The following PALLD variants were observed in gnomAD, a reference collection of about 807,000 sequenced individuals.
The protein encoded by PALLD is palladin, cytoskeletal associated protein.
A neutral mutation model predicts 123.5 loss-of-function variants in PALLD; 61 were observed. That is an observed-to-expected ratio of 0.49 (90% CI 0.40 to 0.61). The LOEUF is 0.61. Ranked by LOEUF, PALLD falls within the 20% of genes least tolerant of loss-of-function variation. The pLI is 0.00. For missense variants in PALLD, 1,273 were observed against 1,377.0 expected (o/e 0.92, Z 1.20); for synonymous variants, 465 against 496.4 (o/e 0.94, Z 0.84).
intron 1 of PALLD, 97 bp from the exon 2 acceptor site, chr4:168,511,326 T>C: frequency 1.7e-6 from 1 of 596,972 alleles, no homozygotes; most frequent in East Asian, 2.8e-5. Flanking sequence ...TTATATTCAT[T>C]CACTTTAATG....
intron 3 of PALLD, among the ~76,000 whole-genome samples, chr4:168,674,942 G>C (rs1780679150): frequency 6.6e-6 from 1 of 152,018 alleles, no homozygotes; most frequent in Non-Finnish European, 1.5e-5. Context: ...GGAGGGAGGA[G>C]AGTAAGATGG....
chr4:168,502,962 G>A (rs1330569095), intron 1 of PALLD, among the ~76,000 whole-genome samples: 1 of 152,160 alleles, frequency 6.6e-6, no homozygotes, highest in Non-Finnish European at 1.5e-5. Context: ...GTCGCAGCAG[G>A]TTCTGGGAGG....
intron 2 of PALLD, among the ~76,000 whole-genome samples, chr4:168,646,736 T>C (rs1777496123): frequency 6.6e-6 from 1 of 152,210 alleles, no homozygotes; most frequent in Admixed American, 6.5e-5. Flanking sequence ...TATTTCTCTT[T>C]GCTACAAAAT....
rs537333045 is a variant in PALLD, at chr4:168,751,116, G to A, written c.1964+39193G>A. 2.6e-5 allele frequency among the ~76,000 whole-genome samples: 4 copies of A among 151,842 alleles called. No individual in the cohort carries two copies. The South Asian group carries it at 6.2e-4, about 24-fold the overall frequency. On this transcript the variant is annotated intron_variant, in intron 10 of 21. Coordinates refer to ENST00000505667, the MANE Select transcript of PALLD (RefSeq NM_001166108.2). Reference sequence around the variant, plus strand: ...TAACCTCCACTTCCCAGGTTCAAGCGATTCTCCTGCCTCAGCCTCCCGAGT... The same window carrying A: ...TAACCTCCACTTCCCAGGTTCAAGCAATTCTCCTGCCTCAGCCTCCCGAGT...
At chr4:168,654,252 G>A (rs1478815034) in intron 2 of PALLD, among the ~76,000 whole-genome samples, 2 of 152,002 alleles carry the variant, frequency 1.3e-5, no homozygotes, top group Non-Finnish European at 2.9e-5. Flanking sequence ...CCATGTAATA[G>A]CTTTAGAGTT....
intron 9 of PALLD, 123 bp from the exon 10 acceptor site, chr4:168,711,458 C>T: frequency 1.3e-6 from 1 of 769,326 alleles, no homozygotes; most frequent in Non-Finnish European, 2.3e-6. Flanking sequence ...GAGAGCAGCA[C>T]AATCACCTCT....
At chr4:168,723,891 CTTTTTT>C (rs59055427) in intron 10 of PALLD, among the ~76,000 whole-genome samples, 1 of 111,772 alleles carries the variant, frequency 8.9e-6, no homozygotes, top group Non-Finnish European at 1.8e-5. Context: ...TTGAGTTGGG[CTTTTTT>C]TTTTTTTTTT....
chr4:168,712,076 A>C, intron 10 of PALLD, 153 bp downstream of exon 10: 1 of 669,064 alleles, frequency 1.5e-6, no homozygotes, highest in East Asian at 2.7e-5. Flanking sequence ...CAACAATATA[A>C]AAGACACCTA....
chr4:168,586,207 C>T (rs1211359440), intron 2 of PALLD, among the ~76,000 whole-genome samples: 1 of 142,354 alleles, frequency 7.0e-6, no homozygotes, highest in East Asian at 2.2e-4. Flanking sequence ...TATCAAGCTA[C>T]TACTTCCGGC....
rs569319510 is a variant in PALLD, at chr4:168,869,600, A to G, written c.1965-21322A>G. 2.0e-5 allele frequency among the ~76,000 whole-genome samples: 3 copies of G among 152,346 alleles called. No homozygotes were observed. The highest frequency in any genetic ancestry group is 7.2e-5 in the African/African-American group (3 of 41,570). On this transcript the variant is annotated intron_variant, in intron 10 of 21. Coordinates refer to ENST00000505667, the MANE Select transcript of PALLD (RefSeq NM_001166108.2). The surrounding 1 kb of genome is among the most constrained non-coding windows in gnomAD (Gnocchi z 4.5). ...GAGTAACAAACTTAGAAGAATGAAAAGGTAGAGATACAGCAGCATTAGTTG... is the reference window on the plus strand; with the variant it reads ...GAGTAACAAACTTAGAAGAATGAAAGGGTAGAGATACAGCAGCATTAGTTG...
intron 13 of PALLD, chr4:168,898,286 T>C (rs1755698827): frequency 5.1e-6 from 3 of 589,356 alleles, no homozygotes; most frequent in Admixed American, 2.9e-5. Flanking sequence ...TTTTGGATGA[T>C]AGGACTTGAA....
At position 168,533,963 on chromosome 4, in the gene PALLD, G is replaced by A. The variant is rs148068124; in HGVS notation, c.908+21551G>A. 4.0e-3 allele frequency among the ~76,000 whole-genome samples: 614 copies of A among 152,254 alleles called. 6 individuals carry two copies. The highest frequency in any genetic ancestry group is 0.014 in the African/African-American group (594 of 41,538). Reference sequence around the variant, plus strand: ...ACTGACAATGTCATTTCTTCTTCAGGAATTTCAGGTTAATAAATATTAGAA... The same window carrying A: ...ACTGACAATGTCATTTCTTCTTCAGAAATTTCAGGTTAATAAATATTAGAA... On this transcript the variant is annotated intron_variant, in intron 2 of 21. Transcript: ENST00000505667.
At chr4:168,506,095 G>A (rs774679885) in intron 1 of PALLD, 2 of 152,176 alleles carry the variant, frequency 1.3e-5, no homozygotes, top group Non-Finnish European at 2.9e-5. Flanking sequence ...GTCAAACTGG[G>A]ATCATCTATC....
intron 10 of PALLD, among the ~76,000 whole-genome samples, chr4:168,736,119 A>G (rs1023252205): frequency 2.6e-5 from 4 of 152,242 alleles, no homozygotes; most frequent in Non-Finnish European, 2.9e-5. Flanking sequence ...CTGTGACCAC[A>G]TCTTTAATTT....
intron 2 of PALLD, among the ~76,000 whole-genome samples, chr4:168,518,963 T>C (rs377103410): frequency 5.2e-4 from 79 of 152,338 alleles, no homozygotes; most frequent in African/African-American, 1.9e-3. Flanking sequence ...AATTGTGATA[T>C]AGTCACACAA....
At chr4:168,903,227 A>G (rs374586325) in intron 14 of PALLD, among the ~76,000 whole-genome samples, 31 of 152,014 alleles carry the variant, frequency 2.0e-4, no homozygotes, top group African/African-American at 6.8e-4. Context: ...CCCATCACCA[A>G]CCCTTAGTCA....
Position 168,921,546 on chromosome 4 carries a change from C to G in PALLD, c.2863C>G (p.Pro955Ala). 1.2e-6 allele frequency: 2 copies of G among 1,603,036 alleles called. No individual in the cohort carries two copies. Among genetic ancestry groups the G allele is most frequent in the Non-Finnish European group, 1.7e-6 (2 of 1,175,468 alleles). Reference protein sequence around the residue: ...CRMDCKVSGLPTPDLSWQLDG... With the variant: ...CRMDCKVSGLATPDLSWQLDG... Reference sequence around the variant, plus strand: ...TTTTATGATTTAGGTCAGTGGGTTACCAACCCCAGATCTAAGCTGGCAACT... The same window carrying G: ...TTTTATGATTTAGGTCAGTGGGTTAGCAACCCCAGATCTAAGCTGGCAACT... Residue 955 changes from proline to alanine, a missense_variant, in exon 18 of 22, where the codon CCA becomes GCA. Physicochemically the swap from Pro to Ala is conservative, Grantham distance 27. Coordinates refer to ENST00000505667, the MANE Select transcript of PALLD (RefSeq NM_001166108.2).
intron 10 of PALLD, among the ~76,000 whole-genome samples, chr4:168,829,968 A>C (rs1743963524): frequency 6.6e-6 from 1 of 152,230 alleles, no homozygotes. Context: ...GCAGTGGGTC[A>C]TGCCTATAAT....
At chr4:168,877,792 T>A in intron 10 of PALLD, 1 of 1,220,258 alleles carries the variant, frequency 8.2e-7, no homozygotes, top group Non-Finnish European at 1.0e-6. Flanking sequence ...CTCGGCAGCC[T>A]CCGCCAGCCC....
Sources: allele counts gnomAD v4.1 joint callset (sites outside exome capture counted in the v4.1 genomes callset), GRCh38; gene constraint gnomAD v4.1.1; non-coding constraint Gnocchi (gnomAD v3.1); transcripts MANE v1.5; gene names NCBI Gene and HGNC (gene_info 2026-07-23, HGNC 2026-07-21).